Variants in STK4 observed in about 807,000 individuals in gnomAD.
STK4 encodes serine/threonine kinase 4.
Under a neutral mutation model 64.9 loss-of-function variants are expected in STK4, and 30 were observed. That is an observed-to-expected ratio of 0.46 (90% CI 0.35 to 0.63). The LOEUF (loss-of-function observed/expected upper bound fraction) is 0.63. Among genes scored for constraint, STK4 ranks in the 20% least tolerant of loss-of-function variants. The pLI, the probability that STK4 is intolerant of heterozygous loss-of-function variation, is 0.01. For missense variants in STK4, 466 were observed against 598.5 expected (o/e 0.78, Z 2.31); for synonymous variants, 177 against 199.0 (o/e 0.89, Z 0.93).
At chr20:44,971,427 C>T (rs777209619) in intron 1 of STK4, among the ~76,000 whole-genome samples, 4 of 152,228 alleles carry the variant, frequency 2.6e-5, no homozygotes, top group Non-Finnish European at 5.9e-5. Flanking sequence ...GTGATACCTA[C>T]AGAATTTATG....
intron 2 of STK4, chr20:44,972,786 G>A (rs544062305): frequency 6.6e-6 from 1 of 151,702 alleles, no homozygotes; most frequent in South Asian, 2.1e-4. Context: ...TCCTTCTTCT[G>A]TAATGACCAG....
At chr20:45,011,992 C>T (rs772861556) in intron 9 of STK4, among the ~76,000 whole-genome samples, 3 of 151,280 alleles carry the variant, frequency 2.0e-5, no homozygotes, top group Non-Finnish European at 4.4e-5. Context: ...TTTTTCTTTT[C>T]ATCACAGATT....
chr20:44,973,436 A>G (rs2145634096), intron 2 of STK4: 1 of 152,326 alleles, frequency 6.6e-6, no homozygotes, highest in South Asian at 2.1e-4. Context: ...CATTAAAGGT[A>G]TGGGGAAATG....
rs1365765882 is a variant in STK4 at position 44,995,192 on chromosome 20, C to T, written c.628C>T (p.Leu210=). The T allele has an allele frequency of 1.9e-6, 3 of 1,613,682 alleles. No individual in the cohort carries two copies. Among genetic ancestry groups the T allele is most frequent in the Middle Eastern group, 1.7e-4 (1 of 6,058 alleles). ...CAACTGTGTAGCAGACATCTGGTCC[C>T]TGGGAATAACTGCCATAGAAATGGC... The part of the protein sequence containing the change: ...GYNCVADIWS[L]GITAIEMAEG... Residue 210 remains leucine, a synonymous_variant, in exon 6 of 11, where the codon CTG becomes TTG. Coordinates refer to ENST00000372806, the MANE Select transcript of STK4 (RefSeq NM_006282.5).
intron 9 of STK4, among the ~76,000 whole-genome samples, chr20:45,014,975 C>T (rs779346869): frequency 5.3e-5 from 8 of 152,172 alleles, no homozygotes; most frequent in Non-Finnish European, 1.0e-4. Context: ...TAATTTTTCT[C>T]CCAGAGCAAC....
In STK4 at chr20:45,000,259, G is replaced by A. The variant is rs1490513267; in HGVS notation, c.832-133G>A. 14 of 1,233,598 alleles carry A rather than the reference G, an allele frequency of 1.1e-5. 1 individual carries two copies. The highest frequency in any genetic ancestry group is 8.0e-5 in the East Asian group (3 of 37,536). The allele number at this position is 1,233,598 out of a possible 1,614,324, so 76.4% of individuals were successfully genotyped here. A position where few individuals can be genotyped will look rare whatever the true frequency, so the allele number is the denominator to read the frequency against. On this transcript the variant is annotated intron_variant, in intron 7 of 10. Coordinates refer to ENST00000372806, the MANE Select transcript of STK4 (RefSeq NM_006282.5). ...AGCGAGTGTGGTTTAGCTGTTGTCC[G>A]AAGCACAAAGAGAAAGATCAGATTC... is the stretch of plus-strand genomic sequence containing the variant.
intron 1 of STK4, among the ~76,000 whole-genome samples, chr20:44,968,526 C>T (rs2067192484): frequency 6.6e-6 from 1 of 152,204 alleles, no homozygotes; most frequent in South Asian, 2.1e-4. Flanking sequence ...TACTATAGTA[C>T]CATAGTGATC....
intron 10 of STK4, among the ~76,000 whole-genome samples, chr20:45,071,683 A>C (rs1980079994): frequency 6.6e-6 from 1 of 152,380 alleles, no homozygotes; most frequent in South Asian, 2.1e-4. Flanking sequence ...TAACAGAAAA[A>C]TAAGGAAGAT....
intron 1 of STK4, chr20:44,970,480 A>G (rs2067224546): frequency 6.6e-6 from 1 of 152,178 alleles, no homozygotes; most frequent in Non-Finnish European, 1.5e-5. Flanking sequence ...TGTTTATACA[A>G]TTACAATTCA....
At chr20:45,003,712 ATT>A (rs750273528) in intron 9 of STK4, among the ~76,000 whole-genome samples, 37 of 135,976 alleles carry the variant, frequency 2.7e-4, no homozygotes, top group Non-Finnish European at 2.2e-4. Context: ...ACGTCTCTAA[ATT>A]TTTTTTTTTT....
intron 3 of STK4, among the ~76,000 whole-genome samples, 187 bp downstream of exon 3, chr20:44,978,758 G>A (rs1479069017): frequency 6.8e-6 from 1 of 147,610 alleles, no homozygotes; most frequent in Non-Finnish European, 1.5e-5. Flanking sequence ...CTAAACCTCC[G>A]TAATTTTTAT....
chr20:45,038,812 A>G (rs536971729), intron 10 of STK4, among the ~76,000 whole-genome samples: 3 of 152,088 alleles, frequency 2.0e-5, no homozygotes, highest in Non-Finnish European at 4.4e-5. Flanking sequence ...AAAAAAAGCT[A>G]ATTATACATT....
chr20:45,026,881 C>T (rs1203979636), intron 10 of STK4, among the ~76,000 whole-genome samples: 1 of 152,168 alleles, frequency 6.6e-6, no homozygotes, highest in African/African-American at 2.4e-5. Flanking sequence ...TCCTTCTTAA[C>T]ACAGCACACC....
chr20:45,059,654 A>G (rs963609271), intron 10 of STK4, among the ~76,000 whole-genome samples: 3 of 152,240 alleles, frequency 2.0e-5, no homozygotes, highest in African/African-American at 7.2e-5. Context: ...GGAAGTTTCC[A>G]TTTAATATTT....
rs749788988 is a variant in STK4 at position 45,011,708 on chromosome 20, C to CATAT, written c.1147+10374_1147+10377dup. On this transcript the variant is annotated intron_variant, in intron 9 of 10. Transcript: ENST00000372806. ...TTTGAAAGTTCTTGTGTAGAACATA[C>CATAT]ATATATATATATATATATATATTTT... is the stretch of plus-strand genomic sequence containing the variant. 3.9e-3 allele frequency among the ~76,000 whole-genome samples: 341 copies of CATAT among 86,864 alleles called. 13 individuals are homozygous for CATAT. The highest frequency in any genetic ancestry group is 0.014 in the African/African-American group (269 of 19,794). The allele number at this position is 86,864 out of a possible 152,430, so 57.0% of individuals were successfully genotyped here. A position where few individuals can be genotyped will look rare whatever the true frequency, so the allele number is the denominator to read the frequency against.
intron 4 of STK4, among the ~76,000 whole-genome samples, chr20:44,985,657 T>A (rs2067519173): frequency 6.6e-6 from 1 of 152,226 alleles, no homozygotes; most frequent in Non-Finnish European, 1.5e-5. Flanking sequence ...TTCATATTAT[T>A]AGCATAGTAC....
chr20:44,974,981 C>T (rs1278816135), intron 2 of STK4: 2 of 152,304 alleles, frequency 1.3e-5, no homozygotes, highest in East Asian at 3.9e-4. Context: ...TCAAGTGGAG[C>T]CTAGCACCTT....
intron 9 of STK4, among the ~76,000 whole-genome samples, chr20:45,005,596 C>T (rs1178033564): frequency 1.4e-5 from 2 of 145,664 alleles, no homozygotes; most frequent in Non-Finnish European, 3.0e-5. Flanking sequence ...TGCAGTGAAC[C>T]GAGATCGCGC....
intron 10 of STK4, among the ~76,000 whole-genome samples, chr20:45,063,363 T>A (rs1979265784): frequency 6.6e-6 from 1 of 152,114 alleles, no homozygotes; most frequent in Non-Finnish European, 1.5e-5. Context: ...ACTTTGAATA[T>A]GCTTGTTGGC....
Sources: allele counts gnomAD v4.1 joint callset (sites outside exome capture counted in the v4.1 genomes callset), GRCh38; gene constraint gnomAD v4.1.1; transcripts MANE v1.5; gene names NCBI Gene and HGNC (gene_info 2026-07-23, HGNC 2026-07-21).